HPSE2: variants seen among roughly 807,000 people sequenced by gnomAD.
The protein encoded by HPSE2 is heparanase 2 (inactive).
In HPSE2, 38 loss-of-function variants were observed where a neutral mutation model predicts 60.5. That is an observed-to-expected ratio of 0.63 (90% CI 0.48 to 0.82). The LOEUF (loss-of-function observed/expected upper bound fraction) is 0.82. HPSE2 is among the 40% of genes least tolerant of loss of function. HPSE2 has a pLI of 0.00. For missense variants in HPSE2, 713 were observed against 740.4 expected (o/e 0.96, Z 0.43); for synonymous variants, 295 against 293.2 (o/e 1.01, Z -0.06).
chr10:98,704,045 A>G (rs1001088552), intron 5 of HPSE2, among the ~76,000 whole-genome samples: 6 of 152,196 alleles, frequency 3.9e-5, no homozygotes, highest in Non-Finnish European at 5.9e-5. Flanking sequence ...AAACTCCTTA[A>G]GCTGATAAAC....
chr10:98,711,626 G>A (rs1185176525), intron 5 of HPSE2, among the ~76,000 whole-genome samples: 1 of 152,072 alleles, frequency 6.6e-6, no homozygotes, highest in Non-Finnish European at 1.5e-5. Context: ...AAAGTGTTGT[G>A]AGAATTAACA....
intron 9 of HPSE2, among the ~76,000 whole-genome samples, chr10:98,594,146 T>A (rs1340100117): frequency 6.6e-6 from 1 of 152,190 alleles, no homozygotes; most frequent in African/African-American, 2.4e-5. Flanking sequence ...ATACTTTTCA[T>A]TTTTTGTGGT....
At chr10:98,647,966 T>C (rs980880727) in intron 6 of HPSE2, among the ~76,000 whole-genome samples, 11 of 152,234 alleles carry the variant, frequency 7.2e-5, no homozygotes, top group Admixed American at 7.2e-4. Flanking sequence ...AGAAAGAGTT[T>C]GTACTGTGGA....
intron 2 of HPSE2, among the ~76,000 whole-genome samples, chr10:99,212,185 G>A (rs1179126936): frequency 6.6e-6 from 1 of 152,038 alleles, no homozygotes; most frequent in Non-Finnish European, 1.5e-5. Context: ...AATAAGTGTT[G>A]GTGAGGGTGT....
At chr10:99,073,939 G>GT (rs34409713) in intron 3 of HPSE2, among the ~76,000 whole-genome samples, 62,331 of 127,822 alleles carry the variant, frequency 0.49, 16,712 homozygotes, top group East Asian at 0.64. Context: ...AGTTCCAAAA[G>GT]TTTTTTTTTT....
the HPSE2 span, among the ~76,000 whole-genome samples, chr10:99,291,209 C>T: frequency 4.6e-5 from 7 of 152,220 alleles, no homozygotes; most frequent in East Asian, 1.4e-3. Flanking sequence ...TGGATCAAAA[C>T]CAATGGAGGT....
chr10:99,054,911 A>G (rs1958076084), intron 3 of HPSE2, among the ~76,000 whole-genome samples: 1 of 151,978 alleles, frequency 6.6e-6, no homozygotes, highest in Non-Finnish European at 1.5e-5. Flanking sequence ...ACAGGGTTTT[A>G]CTATGTTGGC....
At chr10:98,898,282 T>C (rs1347546757) in intron 3 of HPSE2, among the ~76,000 whole-genome samples, 2 of 152,176 alleles carry the variant, frequency 1.3e-5, no homozygotes, top group Non-Finnish European at 2.9e-5. Flanking sequence ...TACATGTGAA[T>C]GTTACAGCAT....
At position 99,079,993 on chromosome 10, in the gene HPSE2, C is replaced by T. The variant is rs549766521; in HGVS notation, c.610+64245G>A. On this transcript the variant is annotated intron_variant, in intron 3 of 11. Transcript: ENST00000370552. ...TCTTTCTGATTGTATGGTACTGTGCCAGGGTAGCAATTCTTGTGAAAGGGT... is the reference window on the plus strand; with the variant it reads ...TCTTTCTGATTGTATGGTACTGTGCTAGGGTAGCAATTCTTGTGAAAGGGT... Among the ~76,000 whole-genome samples the T allele has an allele frequency of 1.1e-4, 16 of 152,232 alleles. No homozygotes were observed. The South Asian group carries it at 2.9e-3, about 28-fold the overall frequency.
At chr10:98,469,406 C>A (rs1940684840) in intron 11 of HPSE2, among the ~76,000 whole-genome samples, 1 of 152,160 alleles carries the variant, frequency 6.6e-6, no homozygotes, top group Non-Finnish European at 1.5e-5. Flanking sequence ...AACTATGTCC[C>A]CCTACCACTG....
intron 3 of HPSE2, among the ~76,000 whole-genome samples, chr10:98,868,577 G>A (rs563308528): frequency 2.2e-4 from 33 of 152,104 alleles, no homozygotes; most frequent in Middle Eastern, 3.4e-3. Context: ...TGATTATTAC[G>A]GATTGCATGC....
chr10:99,260,637 G>C, the HPSE2 span, among the ~76,000 whole-genome samples: 1 of 152,162 alleles, frequency 6.6e-6, no homozygotes, highest in African/African-American at 2.4e-5. Context: ...CGCAGTCCCG[G>C]ACTCGGGAAG....
chr10:98,502,909 CAT>C, intron 9 of HPSE2, among the ~76,000 whole-genome samples: 1 of 152,072 alleles, frequency 6.6e-6, no homozygotes. Context: ...GGCCAACAAA[CAT>C]ATGAAAAAAT....
At chr10:98,629,910 T>C (rs746061690) in intron 7 of HPSE2, among the ~76,000 whole-genome samples, 2 of 152,234 alleles carry the variant, frequency 1.3e-5, no homozygotes, top group African/African-American at 2.4e-5. Context: ...AAATGTTTCC[T>C]TAACTGGGGA....
chr10:98,833,341 A>G (rs1055484420), intron 3 of HPSE2, among the ~76,000 whole-genome samples: 1 of 152,190 alleles, frequency 6.6e-6, no homozygotes, highest in African/African-American at 2.4e-5. Context: ...ATTGGTTTAG[A>G]GCATAGATAC....
At chr10:99,094,017 T>C (rs1843611365) in intron 3 of HPSE2, among the ~76,000 whole-genome samples, 1 of 152,182 alleles carries the variant, frequency 6.6e-6, no homozygotes, top group African/African-American at 2.4e-5. Flanking sequence ...CTTTCTTTAT[T>C]GATAATTATC....
chr10:98,564,830 G>A (rs1388033418), intron 9 of HPSE2, among the ~76,000 whole-genome samples: 1 of 152,138 alleles, frequency 6.6e-6, no homozygotes, highest in African/African-American at 2.4e-5. Context: ...TCAATAACCT[G>A]TCTTAATGTT....
rs113501841 is a variant in HPSE2 at position 98,856,196 on chromosome 10, GACAA to G, written c.611-112144_611-112141del. On this transcript the variant is annotated intron_variant, in intron 3 of 11. Coordinates refer to ENST00000370552, the MANE Select transcript of HPSE2 (RefSeq NM_021828.5). ...TTGGGCTTTCAACCAAAAAATTTAAGACAAACAAAGAAGCAAGAAAAACAATCCC... is the reference window on the plus strand; with the variant it reads ...TTGGGCTTTCAACCAAAAAATTTAAGACAAAGAAGCAAGAAAAACAATCCC... Among the ~76,000 whole-genome samples the G allele has an allele frequency of 2.8e-3, 431 of 152,098 alleles. 1 individual carries two copies. The highest frequency in any genetic ancestry group is 0.01 in the Middle Eastern group (3 of 292).
At chr10:99,193,953 T>A (rs1848307871) in intron 2 of HPSE2, among the ~76,000 whole-genome samples, 1 of 152,044 alleles carries the variant, frequency 6.6e-6, no homozygotes, top group African/African-American at 2.4e-5. Flanking sequence ...TAATGAATAT[T>A]TCATCCAAGA....
Sources: gnomAD v4.1 joint callset for allele counts (sites outside exome capture counted in the v4.1 genomes callset) on GRCh38, gnomAD v4.1.1 for gene constraint, MANE v1.5 for transcripts, NCBI Gene and HGNC (gene_info 2026-07-23, HGNC 2026-07-21) for gene names.